The following SCN3A variants were observed in gnomAD, a reference collection of about 807,000 sequenced individuals.
SCN3A encodes the protein sodium channel protein type 3 subunit alpha.
In SCN3A, 60 loss-of-function variants were observed where a neutral mutation model predicts 187.6. The observed-to-expected ratio is 0.32, with a 90% CI of 0.26 to 0.40. The LOEUF (loss-of-function observed/expected upper bound fraction) is 0.40. Ranked by LOEUF, SCN3A falls within the 10% of genes least tolerant of loss-of-function variation. The probability of loss-of-function intolerance (pLI) is 1.00; values close to 1 mark genes in which losing one functional copy is unlikely to be tolerated. For synonymous variants in SCN3A, 788 were observed against 829.2 expected (o/e 0.95, Z 0.85); for missense variants, 1,601 against 2,428.2 (o/e 0.66, Z 7.16).
chr2:165,171,572 C>T (rs1477097911), intron 3 of SCN3A, among the ~76,000 whole-genome samples: 5 of 151,964 alleles, frequency 3.3e-5, no homozygotes, highest in African/African-American at 7.2e-5. Flanking sequence ...TTTCCTGAGG[C>T]GATTCCAATA....
In SCN3A at chr2:165,097,237, A is replaced by G. The variant is rs1685401082; in HGVS notation, c.4239+15T>C. ...TCTTGAAAACTTTTTCAAAACTCGT[A>G]CAGTAGCCACTTACCACTTGAAGCA... On this transcript the variant is annotated intron_variant, in intron 23 of 27. Coordinates refer to ENST00000283254, the MANE Select transcript of SCN3A (RefSeq NM_006922.4). 8 of 1,614,034 alleles carry G rather than the reference A, an allele frequency of 5.0e-6. No individual in the cohort carries two copies. The East Asian group carries it at 1.8e-4, about 36-fold the overall frequency.
rs982665829 is a variant in SCN3A, at chr2:165,127,805, A to G, written c.3219T>C (p.Gly1073=). The G allele has an allele frequency of 7.4e-6, 12 of 1,614,024 alleles. No individual in the cohort carries two copies. In the African/African-American group the frequency reaches 1.5e-4, roughly 20 times the overall value. Residue 1073 remains glycine, a synonymous_variant, in exon 18 of 28, where the codon GGT becomes GGC. Coordinates refer to ENST00000283254, the MANE Select transcript of SCN3A (RefSeq NM_006922.4). ...TTTCAACACTGCTTCCAGTACCTAC[A>G]CCACTGGTGGTTCCATTCCCATCTC... The part of the protein sequence containing the change: ...YLRDGNGTTS[G]VGTGSSVEKY...
chr2:165,105,638 C>G (rs1272612447), intron 21 of SCN3A, among the ~76,000 whole-genome samples: 1 of 152,072 alleles, frequency 6.6e-6, no homozygotes, highest in Admixed American at 6.5e-5. Context: ...GTAAGGTGTA[C>G]AGCAGGAATA....
At chr2:165,167,062 G>A (rs1284068011) in intron 5 of SCN3A, among the ~76,000 whole-genome samples, 1 of 151,992 alleles carries the variant, frequency 6.6e-6, no homozygotes, top group Non-Finnish European at 1.5e-5. Flanking sequence ...ACCACACCTG[G>A]CTCATTGTTT....
At chr2:165,196,992 C>G (rs1029370130) in intron 1 of SCN3A, among the ~76,000 whole-genome samples, 1 of 152,054 alleles carries the variant, frequency 6.6e-6, no homozygotes, top group African/African-American at 2.4e-5. Context: ...TATGGATGCT[C>G]AGCTCCAAAT....
chr2:165,148,676 A>G (rs1688497944), intron 11 of SCN3A, among the ~76,000 whole-genome samples: 1 of 152,084 alleles, frequency 6.6e-6, no homozygotes, highest in Non-Finnish European at 1.5e-5. Flanking sequence ...CACTATATTC[A>G]TAATGGAAGC....
At chr2:165,105,900 G>A (rs770008627) in intron 21 of SCN3A, among the ~76,000 whole-genome samples, 8 of 152,102 alleles carry the variant, frequency 5.3e-5, no homozygotes, top group Non-Finnish European at 8.8e-5. Context: ...TTTTATGTAA[G>A]GGGAGTTTGT....
intron 21 of SCN3A, among the ~76,000 whole-genome samples, chr2:165,107,390 A>G (rs1460427194): frequency 1.3e-5 from 2 of 152,232 alleles, no homozygotes; most frequent in African/African-American, 2.4e-5. Flanking sequence ...ATCAGAAGAC[A>G]TTTATAGAAA....
intron 21 of SCN3A, among the ~76,000 whole-genome samples, chr2:165,102,886 A>G (rs1685674392): frequency 6.6e-6 from 1 of 152,214 alleles, no homozygotes; most frequent in Non-Finnish European, 1.5e-5. Context: ...TTTGACTTAT[A>G]TAGGAAAATA....
chr2:165,155,179 A>G lies in SCN3A; in HGVS notation c.1174-521T>C, dbSNP rs1688942923. ...GGATTATCAACTTCTAAGAGTCATG[A>G]GCATCTCCAAGTTCCTAGCAGAATG... On this transcript the variant is annotated intron_variant, in intron 10 of 27. Coordinates refer to ENST00000283254, the MANE Select transcript of SCN3A (RefSeq NM_006922.4). 5.3e-5 allele frequency among the ~76,000 whole-genome samples: 8 copies of G among 152,130 alleles called. No individual in the cohort carries two copies. The South Asian group carries it at 1.7e-3, about 32-fold the overall frequency.
intron 3 of SCN3A, among the ~76,000 whole-genome samples, chr2:165,173,202 A>C (rs1197946039): frequency 3.3e-5 from 5 of 152,194 alleles, no homozygotes; most frequent in Admixed American, 2.6e-4. Context: ...GGACCACATC[A>C]ATCAGAGAAC....
chr2:165,176,761 A>G (rs1690495689), intron 2 of SCN3A, among the ~76,000 whole-genome samples: 1 of 152,206 alleles, frequency 6.6e-6, no homozygotes, highest in Admixed American at 6.5e-5. Context: ...ATTTTTTAAA[A>G]GCATTTAAAA....
At chr2:165,195,674 T>A (rs543723796) in intron 1 of SCN3A, 1 of 152,122 alleles carries the variant, frequency 6.6e-6, no homozygotes, top group Non-Finnish European at 1.5e-5. Flanking sequence ...GATCTCACAG[T>A]GTTTTCTGAA....
intron 1 of SCN3A, among the ~76,000 whole-genome samples, chr2:165,192,050 G>A (rs1057262141): frequency 2.0e-5 from 3 of 151,496 alleles, no homozygotes; most frequent in South Asian, 2.1e-4. Flanking sequence ...CCACTAATGG[G>A]GTATTGATTA....
At chr2:165,100,648 G>A (rs191677445) in intron 21 of SCN3A, among the ~76,000 whole-genome samples, 5 of 151,944 alleles carry the variant, frequency 3.3e-5, no homozygotes, top group African/African-American at 9.7e-5. Context: ...TTATCAACAC[G>A]TGTCAATATC....
chr2:165,090,695 G>A lies in SCN3A; in HGVS notation c.5458C>T (p.Leu1820=), dbSNP rs150299378. The change falls in exon 28 of 28, where the codon CTG becomes TTG. Residue 1820 remains leucine, a synonymous_variant. Transcript: ENST00000283254. The surrounding 1 kb of genome is among the most constrained non-coding windows in gnomAD (Gnocchi z 4.0). ...FSKLSDFAAA[L]DPPLLIAKPN... is the part of the protein sequence containing the mutation. ...TTTGCTATGAGAAGAGGAGGATCCA[G>A]GGCAGCTGCAAAATCAGAGAGTTTA... 41 of 1,613,918 alleles carry A rather than the reference G, an allele frequency of 2.5e-5. No individual in the cohort carries two copies. The African/African-American group carries it at 5.3e-4, about 21-fold the overall frequency.
intron 1 of SCN3A, among the ~76,000 whole-genome samples, chr2:165,189,809 G>C (rs887111451): frequency 4.6e-5 from 7 of 151,912 alleles, no homozygotes; most frequent in African/African-American, 1.7e-4. Flanking sequence ...GCATCATTTT[G>C]CATCTTTACT....
At chr2:165,161,306 C>T (rs1405917177) in intron 9 of SCN3A, among the ~76,000 whole-genome samples, 1 of 151,952 alleles carries the variant, frequency 6.6e-6, no homozygotes, top group East Asian at 1.9e-4. Flanking sequence ...ATATTACTCT[C>T]TCCATTTTAA....
intron 11 of SCN3A, among the ~76,000 whole-genome samples, chr2:165,150,389 T>C (rs1688623822): frequency 6.6e-6 from 1 of 152,240 alleles, no homozygotes; most frequent in Non-Finnish European, 1.5e-5. Flanking sequence ...GCACTAATTC[T>C]GTCTTTGCCT....
Sources: allele counts gnomAD v4.1 joint callset (sites outside exome capture counted in the v4.1 genomes callset), GRCh38; gene constraint gnomAD v4.1.1; non-coding constraint Gnocchi (gnomAD v3.1); transcripts MANE v1.5; gene names NCBI Gene and HGNC (gene_info 2026-07-23, HGNC 2026-07-21).